Variants in CLDN10 observed in about 807,000 individuals in gnomAD.
CLDN10 encodes the protein claudin-10.
CLDN10 carries 15 observed loss-of-function variants against 22.9 expected under a neutral mutation model. That is an observed-to-expected ratio of 0.65 (90% CI 0.44 to 1.01). The LOEUF (loss-of-function observed/expected upper bound fraction) is 1.01, where lower values mean the gene tolerates loss of function less well. Among genes scored for constraint, CLDN10 ranks in the 50% least tolerant of loss-of-function variants. The pLI is 0.00. For missense variants in CLDN10, 247 were observed against 287.8 expected, an observed-to-expected ratio of 0.86 and a Z score of 1.03; for synonymous variants, 114 against 111.4, an observed-to-expected ratio of 1.02 and a Z score of -0.15.
At chr13:95,480,447 C>A (rs2389240) in intron 1 of CLDN10, among the ~76,000 whole-genome samples, 99,253 of 152,054 alleles carry the variant, frequency 0.65, 32,606 homozygotes, top group Middle Eastern at 0.78. Context: ...AGGCCAGATG[C>A]GGAAGAGAGA....
At chr13:95,491,927 TTG>T (rs1383668955) in intron 1 of CLDN10, among the ~76,000 whole-genome samples, 2 of 152,132 alleles carry the variant, frequency 1.3e-5, no homozygotes, top group African/African-American at 4.8e-5. Flanking sequence ...GCAGTGATTA[TTG>T]TCTCTTTTCT....
At position 95,468,098 on chromosome 13, in the gene CLDN10, A is replaced by G. The variant is rs75777151; in HGVS notation, c.214+34051A>G. Among the ~76,000 whole-genome samples the G allele has an allele frequency of 1.3e-3, 198 of 152,326 alleles. 5 individuals are homozygous for G. In the East Asian group the frequency reaches 0.036, roughly 27 times the overall value. Reference sequence around the variant, plus strand: ...GAAACATCCAGAATAATGTCTGACCAAATATCTGGGCACACCATGGCCCAG... The same window carrying G: ...GAAACATCCAGAATAATGTCTGACCGAATATCTGGGCACACCATGGCCCAG... On this transcript the variant is annotated intron_variant, in intron 1 of 4. Transcript: ENST00000376873.
chr13:95,566,917 G>C (rs987870480), intron 3 of CLDN10, among the ~76,000 whole-genome samples: 3 of 152,184 alleles, frequency 2.0e-5, no homozygotes, highest in Non-Finnish European at 4.4e-5. Context: ...GTTTGTTAAA[G>C]ATCAGATGGT....
At chr13:95,564,515 A>G (rs550773504) in intron 3 of CLDN10, among the ~76,000 whole-genome samples, 1 of 152,280 alleles carries the variant, frequency 6.6e-6, no homozygotes, top group East Asian at 1.9e-4. Context: ...TCCAATACCC[A>G]ACCCCTAAGG....
intron 3 of CLDN10, among the ~76,000 whole-genome samples, chr13:95,569,970 G>A (rs975848496): frequency 1.4e-4 from 22 of 152,122 alleles, no homozygotes; most frequent in African/African-American, 3.9e-4. Context: ...GGGTTTCACC[G>A]TGTTAGCCAG....
At chr13:95,561,652 G>A (rs1281573143) in intron 3 of CLDN10, among the ~76,000 whole-genome samples, 1 of 152,060 alleles carries the variant, frequency 6.6e-6, no homozygotes, top group Non-Finnish European at 1.5e-5. Flanking sequence ...AAACCAGGCA[G>A]TTGAACTTCA....
intron 1 of CLDN10, among the ~76,000 whole-genome samples, chr13:95,512,532 C>A (rs2043115794): frequency 6.6e-6 from 1 of 152,080 alleles, no homozygotes; most frequent in Non-Finnish European, 1.5e-5. Context: ...TTTTAACTTC[C>A]CTTGAGGGAG....
At chr13:95,523,750 A>C (rs1013860327) in intron 1 of CLDN10, among the ~76,000 whole-genome samples, 1 of 152,086 alleles carries the variant, frequency 6.6e-6, no homozygotes, top group Non-Finnish European at 1.5e-5. Context: ...GCTTATTTAC[A>C]TTTTTGAAAG....
At chr13:95,557,045 C>G (rs560554262) in intron 1 of CLDN10, among the ~76,000 whole-genome samples, 14 of 152,232 alleles carry the variant, frequency 9.2e-5, no homozygotes, top group Non-Finnish European at 1.5e-4. Flanking sequence ...CAAAGTACCA[C>G]TTGAACTTCA....
At chr13:95,571,549 G>C (rs924255366) in intron 3 of CLDN10, among the ~76,000 whole-genome samples, 10 of 152,294 alleles carry the variant, frequency 6.6e-5, no homozygotes, top group African/African-American at 2.4e-4. Context: ...TCTCATAAGA[G>C]AGACTGGACC....
intron 1 of CLDN10, among the ~76,000 whole-genome samples, chr13:95,514,890 G>A (rs990759303): frequency 6.6e-6 from 1 of 152,186 alleles, no homozygotes; most frequent in African/African-American, 2.4e-5. Context: ...TATCTCAGTT[G>A]TGAGATGATG....
intron 3 of CLDN10, among the ~76,000 whole-genome samples, chr13:95,568,328 C>G (rs1327269482): frequency 5.3e-5 from 8 of 152,146 alleles, no homozygotes; most frequent in African/African-American, 1.9e-4. Flanking sequence ...ATAGTGCAGG[C>G]CACCTCAGAT....
upstream of CLDN10, among the ~76,000 whole-genome samples, chr13:95,549,728 T>G (rs960560921): frequency 6.6e-6 from 1 of 152,202 alleles, no homozygotes; most frequent in African/African-American, 2.4e-5. Context: ...AGTTTAGGGT[T>G]GTCCAACCTC....
At chr13:95,501,089 C>T (rs2042979835) in intron 1 of CLDN10, among the ~76,000 whole-genome samples, 1 of 152,014 alleles carries the variant, frequency 6.6e-6, no homozygotes, top group South Asian at 2.1e-4. Context: ...ATCTCAGCCA[C>T]TGCAACCTCC....
At chr13:95,495,467 A>G (rs2042918915) in intron 1 of CLDN10, among the ~76,000 whole-genome samples, 1 of 150,956 alleles carries the variant, frequency 6.6e-6, no homozygotes, top group African/African-American at 2.4e-5. Context: ...AAGCTCGGCC[A>G]GGCGCGGTGG....
intron 1 of CLDN10, among the ~76,000 whole-genome samples, chr13:95,493,685 G>C (rs187129353): frequency 1.1e-4 from 17 of 151,594 alleles, no homozygotes; most frequent in Admixed American, 9.9e-4. Flanking sequence ...TCAGTCTCCC[G>C]AGTAGCTGGA....
At chr13:95,464,532 T>C (rs2042566083) in intron 1 of CLDN10, among the ~76,000 whole-genome samples, 1 of 152,164 alleles carries the variant, frequency 6.6e-6, no homozygotes, top group African/African-American at 2.4e-5. Context: ...TCCAAGTCTT[T>C]GCTATTGTGA....
intron 1 of CLDN10, among the ~76,000 whole-genome samples, chr13:95,497,300 C>G (rs1323746470): frequency 6.6e-6 from 1 of 152,124 alleles, no homozygotes; most frequent in Non-Finnish European, 1.5e-5. Flanking sequence ...GGATCATGGT[C>G]AAGCTTCTAT....
rs569982606 is a variant in CLDN10 at position 95,541,547 on chromosome 13, T to C, written c.215-18585T>C. 3.3e-4 allele frequency among the ~76,000 whole-genome samples: 50 copies of C among 152,320 alleles called. 2 individuals carry two copies. The Middle Eastern group carries it at 0.027, about 83-fold the overall frequency. ...CTTCTTGTTTTTCCTTTGTTTGCACTGTCTGAAGGGGAGGAGGAGACAATA... is the reference window on the plus strand; with the variant it reads ...CTTCTTGTTTTTCCTTTGTTTGCACCGTCTGAAGGGGAGGAGGAGACAATA... On this transcript the variant is annotated intron_variant, in intron 1 of 4. Transcript: ENST00000376873.
Sources: gnomAD v4.1 joint callset for allele counts (sites outside exome capture counted in the v4.1 genomes callset) on GRCh38, gnomAD v4.1.1 for gene constraint, MANE v1.5 for transcripts, NCBI Gene and HGNC (gene_info 2026-07-23, HGNC 2026-07-21) for gene names.